Variants in ERGIC1 observed in about 807,000 individuals in gnomAD.
ERGIC1 encodes endoplasmic reticulum-Golgi intermediate compartment protein 1.
A neutral mutation model predicts 38.3 loss-of-function variants in ERGIC1; 19 were observed. The ratio of observed to expected loss-of-function variants is 0.50; its 90% CI spans 0.35 to 0.73. The LOEUF (loss-of-function observed/expected upper bound fraction) is 0.73, where lower values mean the gene tolerates loss of function less well. Ranked by LOEUF, ERGIC1 falls within the 30% of genes least tolerant of loss-of-function variation. The pLI, the probability that ERGIC1 is intolerant of heterozygous loss-of-function variation, is 0.01. For synonymous variants in ERGIC1, 124 were observed against 157.6 expected (o/e 0.79, Z 1.60); for missense variants, 294 against 389.2 (o/e 0.76, Z 2.06).
intron 7 of ERGIC1, among the ~76,000 whole-genome samples, chr5:172,927,579 C>CT (rs35565131): frequency 0.016 from 2,139 of 131,250 alleles, 61 homozygotes; most frequent in East Asian, 0.055. Context: ...CTCTGCTGTG[C>CT]TTTTTTTTTT....
At chr5:172,870,943 T>G (rs1761991190) in intron 1 of ERGIC1, among the ~76,000 whole-genome samples, 1 of 152,210 alleles carries the variant, frequency 6.6e-6, no homozygotes, top group East Asian at 1.9e-4. Flanking sequence ...TGCTCGCCAC[T>G]TCAGATCACA....
At chr5:172,908,310 G>GT (rs1462318026) in intron 3 of ERGIC1, among the ~76,000 whole-genome samples, 2 of 28,684 alleles carry the variant, frequency 7.0e-5, no homozygotes, top group African/African-American at 1.3e-4. Context: ...CGGGGGCGGG[G>GT]GGGGGGGGAG....
At chr5:172,930,654 T>C (rs1763758306) in intron 7 of ERGIC1, among the ~76,000 whole-genome samples, 1 of 152,192 alleles carries the variant, frequency 6.6e-6, no homozygotes, top group African/African-American at 2.4e-5. Context: ...TGTACAAATT[T>C]TAACAAGAAA....
At chr5:172,915,338 G>A (rs1011201867) in intron 5 of ERGIC1, 12 of 477,336 alleles carry the variant, frequency 2.5e-5, no homozygotes, top group South Asian at 4.2e-5. Flanking sequence ...CTGGGGCAGC[G>A]TTCCTGGGCT....
At chr5:172,873,635 G>A (rs537401895) in intron 1 of ERGIC1, among the ~76,000 whole-genome samples, 1 of 152,352 alleles carries the variant, frequency 6.6e-6, no homozygotes, top group Non-Finnish European at 1.5e-5. Context: ...GGCCAGGGAG[G>A]ATCAGTGTTC....
At chr5:172,881,404 A>C (rs1762280666) in intron 1 of ERGIC1, among the ~76,000 whole-genome samples, 1 of 152,126 alleles carries the variant, frequency 6.6e-6, no homozygotes, top group Non-Finnish European at 1.5e-5. Context: ...GCTTGTGCAG[A>C]TCCATTCATG....
chr5:172,930,917 G>T (rs1019615051), intron 7 of ERGIC1, among the ~76,000 whole-genome samples: 1 of 152,182 alleles, frequency 6.6e-6, no homozygotes, highest in Non-Finnish European at 1.5e-5. Context: ...GAGGGATGTT[G>T]GAGTCTTCAT....
chr5:172,920,638 G>A, intron 5 of ERGIC1: 1 of 576,940 alleles, frequency 1.7e-6, no homozygotes, highest in South Asian at 2.0e-5. Flanking sequence ...GATGGATTTG[G>A]TGTGGAGGGG....
At position 172,931,857 on chromosome 5, in the gene ERGIC1, C is replaced by CTTTTT. The variant is rs375589121; in HGVS notation, c.542-564_542-560dup. 3.0e-3 allele frequency among the ~76,000 whole-genome samples: 375 copies of CTTTTT among 123,010 alleles called. 13 individuals carry two copies. Among genetic ancestry groups the CTTTTT allele is most frequent in the African/African-American group, 3.8e-3 (122 of 32,304 alleles). The allele number at this position is 123,010 out of a possible 152,430, so 80.7% of individuals were successfully genotyped here. The stretch of plus-strand genomic sequence containing the variant: ...AGAATAGCTGCTCCTAGCACCCACA[C>CTTTTT]TTTTTTTTTTTTTTTTTTTGAGACA... On this transcript the variant is annotated intron_variant, in intron 7 of 9. Coordinates refer to ENST00000393784, the MANE Select transcript of ERGIC1 (RefSeq NM_001031711.3).
chr5:172,932,410 T>A, intron 7 of ERGIC1, 26 bp from the exon 8 acceptor site: 1 of 1,612,576 alleles, frequency 6.2e-7, no homozygotes, highest in Non-Finnish European at 8.5e-7. Context: ...GTCCCCCTGC[T>A]TCATTCTGCT....
At chr5:172,851,212 A>T (rs1046299255) in intron 1 of ERGIC1, among the ~76,000 whole-genome samples, 3 of 150,470 alleles carry the variant, frequency 2.0e-5, no homozygotes, top group Non-Finnish European at 4.4e-5. Context: ...AAAAAAAAAA[A>T]AAAAAAAATT....
chr5:172,837,672 A>C lies in ERGIC1; in HGVS notation c.20+3239A>C, dbSNP rs1314133950. Among the ~76,000 whole-genome samples, 3 of 152,210 alleles carry C rather than the reference A, an allele frequency of 2.0e-5. No homozygotes were observed. Among genetic ancestry groups the C allele is most frequent in the Admixed American group, 1.3e-4 (2 of 15,282 alleles). ...AGAAATCTCCCCTCTCCACCCTTGA[A>C]TCTGCCGTTCCTAGGTTGTTTTTGG... On this transcript the variant is annotated intron_variant, in intron 1 of 9. Transcript: ENST00000393784. The surrounding 1 kb of genome is among the most constrained non-coding windows in gnomAD (Gnocchi z 4.3).
intron 8 of ERGIC1, chr5:172,934,002 C>T (rs1049709800): frequency 1.1e-4 from 16 of 152,214 alleles, no homozygotes; most frequent in Admixed American, 8.5e-4. Flanking sequence ...GTGACCCAGA[C>T]AGTCATCCTG....
At chr5:172,906,023 T>C (rs1224390646) in intron 3 of ERGIC1, 1 of 455,868 alleles carries the variant, frequency 2.2e-6, no homozygotes, top group Non-Finnish European at 4.4e-6. Context: ...AGTGGTCACC[T>C]TCCCCAGCTA....
chr5:172,860,614 T>G (rs793016), intron 1 of ERGIC1, among the ~76,000 whole-genome samples: 139,112 of 152,206 alleles, frequency 0.91, 64,092 homozygotes, highest in East Asian at 1. Context: ...GAAACAGACT[T>G]CTCTGAGGCT....
At chr5:172,877,565 C>T (rs534808443) in intron 1 of ERGIC1, among the ~76,000 whole-genome samples, 149 of 150,102 alleles carry the variant, frequency 9.9e-4, no homozygotes, top group African/African-American at 3.4e-3. Flanking sequence ...GTTCAAGCAC[C>T]ACCCCCCTGA....
rs967559497 is a variant in ERGIC1, at chr5:172,935,437, TG to T, written c.765+129del. On this transcript the variant is annotated intron_variant, in intron 9 of 9. Transcript: ENST00000393784. ...AGGCAGCCTGCAGGGCTAGGGGCTCTGGCTGGGCACAGGAGGCTTCGACCCC... is the reference window on the plus strand; with the variant it reads ...AGGCAGCCTGCAGGGCTAGGGGCTCTGCTGGGCACAGGAGGCTTCGACCCC... 7 of 1,337,794 alleles carry T rather than the reference TG, an allele frequency of 5.2e-6. No individual in the cohort carries two copies. The African/African-American group carries it at 8.8e-5, about 17-fold the overall frequency. The allele number at this position is 1,337,794 out of a possible 1,614,324, so 82.9% of individuals were successfully genotyped here.
At chr5:172,839,596 TACACAC>T (rs1561696668) in intron 1 of ERGIC1, among the ~76,000 whole-genome samples, 1 of 150,680 alleles carries the variant, frequency 6.6e-6, no homozygotes. Flanking sequence ...CACACACACA[TACACAC>T]ACATACACAT....
At chr5:172,948,595 C>A (rs1764169898) in intron 9 of ERGIC1, among the ~76,000 whole-genome samples, 1 of 152,076 alleles carries the variant, frequency 6.6e-6, no homozygotes, top group African/African-American at 2.4e-5. Flanking sequence ...GGACAAGTTA[C>A]TTCCCTCTCT....
Sources: allele counts gnomAD v4.1 joint callset (sites outside exome capture counted in the v4.1 genomes callset), GRCh38; gene constraint gnomAD v4.1.1; non-coding constraint Gnocchi (gnomAD v3.1); transcripts MANE v1.5; gene names NCBI Gene and HGNC (gene_info 2026-07-23, HGNC 2026-07-21).